The following ANKRD36 variants were observed in gnomAD, a reference collection of about 807,000 sequenced individuals.
ANKRD36 encodes the protein ankyrin repeat domain 36, also known as ankyrin repeat domain-containing protein 36A.
ANKRD36 carries 179 observed loss-of-function variants against 278.1 expected under a neutral mutation model. The ratio of observed to expected loss-of-function variants is 0.64; its 90% confidence interval spans 0.57 to 0.73. The LOEUF is 0.73. Ranked by LOEUF, ANKRD36 falls within the 30% of genes least tolerant of loss-of-function variation. The pLI is 0.00. For missense variants in ANKRD36, 1,159 were observed against 1,956.7 expected (o/e 0.59, Z 7.69); for synonymous variants, 320 against 641.1 (o/e 0.50, Z 7.57).
chr2:97,159,796 T>G (rs1324880720), intron 17 of ANKRD36, among the ~76,000 whole-genome samples: 18 of 151,666 alleles, frequency 1.2e-4, no homozygotes, highest in Non-Finnish European at 2.6e-4. Flanking sequence ...TTAATTTTTT[T>G]TTTTGAGACG....
chr2:97,215,885 A>G, intron 62 of ANKRD36: 1 of 506,858 alleles, frequency 2.0e-6, no homozygotes, highest in Middle Eastern at 5.6e-4. Flanking sequence ...AGTGATCCTA[A>G]TACCTCAAAA....
intron 52 of ANKRD36, among the ~76,000 whole-genome samples, chr2:97,206,602 A>G (rs1052672753): frequency 2.0e-5 from 3 of 151,504 alleles, no homozygotes; most frequent in African/African-American, 7.3e-5. Context: ...ATTGTGAGGC[A>G]GGAAGGTGTG....
At chr2:97,260,113 T>TA (rs1256210522) in intron 75 of ANKRD36, among the ~76,000 whole-genome samples, 6 of 61,042 alleles carry the variant, frequency 9.8e-5, no homozygotes, top group Non-Finnish European at 1.7e-4. Flanking sequence ...GATTGCTTTC[T>TA]AAAAAAATCC....
intron 17 of ANKRD36, 82 bp downstream of exon 17, chr2:97,158,737 A>G: frequency 6.0e-6 from 8 of 1,329,796 alleles, no homozygotes; most frequent in Non-Finnish European, 7.1e-6. Flanking sequence ...TCTGTTAATG[A>G]TCTTTAGTTT....
intron 60 of ANKRD36, among the ~76,000 whole-genome samples, chr2:97,214,382 C>G (rs2065404292): frequency 7.1e-6 from 1 of 141,328 alleles, no homozygotes; most frequent in Non-Finnish European, 1.5e-5. Context: ...GATCAAAGAG[C>G]TGACTCTTGG....
In ANKRD36 at chr2:97,198,524, T is replaced by A. The variant is rs1332202601; in HGVS notation, c.2682+33T>A. 8 of 1,570,062 alleles carry A rather than the reference T, an allele frequency of 5.1e-6. No homozygotes were observed. The Admixed American group carries it at 1.5e-4, about 30-fold the overall frequency. On this transcript the variant is annotated intron_variant, in intron 43 of 75. Coordinates refer to ENST00000420699, the MANE Select transcript of ANKRD36 (RefSeq NM_001354587.1). ...AACTGTCATTTATATTGTGACCTAG[T>A]AAATGCATAGTCTATGAAACATACT... is the stretch of plus-strand genomic sequence containing the variant.
At chr2:97,205,898 A>G (rs984449529) in intron 50 of ANKRD36, 42 bp from the exon 51 acceptor site, 36 of 1,525,680 alleles carry the variant, frequency 2.4e-5, no homozygotes, top group Non-Finnish European at 3.2e-5. Context: ...TATCTTTATC[A>G]TATTTACATA....
rs1242087578 is a variant in ANKRD36 at position 97,155,452 on chromosome 2, A to C, written c.1260+711A>C. On this transcript the variant is annotated intron_variant, in intron 15 of 75. Coordinates refer to ENST00000420699, the MANE Select transcript of ANKRD36 (RefSeq NM_001354587.1). ...GCAAGAGCTTATCTCTAATTTAAAA[A>C]ATTGTGGAATATTAGAAATTTAAAT... Among the ~76,000 whole-genome samples the C allele has an allele frequency of 2.1e-5, 3 of 146,172 alleles. 1 individual carries two copies. Among genetic ancestry groups the C allele is most frequent in the Admixed American group, 2.0e-4 (3 of 14,726 alleles).
intron 6 of ANKRD36, among the ~76,000 whole-genome samples, chr2:97,140,343 A>G (rs1422664870): frequency 2.6e-5 from 4 of 151,880 alleles, no homozygotes; most frequent in African/African-American, 9.7e-5. Flanking sequence ...TTCAGAACCC[A>G]TTTCTCTGGA....
intron 32 of ANKRD36, among the ~76,000 whole-genome samples, chr2:97,188,760 C>G (rs1348410800): frequency 6.2e-5 from 6 of 97,500 alleles, no homozygotes; most frequent in African/African-American, 1.0e-4. Flanking sequence ...TTGATTCTCA[C>G]ATGTATGAGT....
chr2:97,195,176 G>A (rs1165400975), intron 40 of ANKRD36, among the ~76,000 whole-genome samples: 2 of 151,982 alleles, frequency 1.3e-5, no homozygotes, highest in African/African-American at 2.4e-5. Flanking sequence ...GGGCTCTGGG[G>A]CCCAGCATAA....
intron 62 of ANKRD36, chr2:97,215,770 T>G (rs2065767730): frequency 1.3e-6 from 1 of 793,196 alleles, no homozygotes; most frequent in Non-Finnish European, 2.0e-6. Flanking sequence ...GACAGCATCA[T>G]TTTGCTTTAA....
At position 97,113,312 on chromosome 2, in the gene ANKRD36, A is replaced by G. The variant is rs2073328012; in HGVS notation, c.-428A>G. Among the ~76,000 whole-genome samples, 1 of 152,090 alleles carries G rather than the reference A, an allele frequency of 6.6e-6. No homozygotes were observed. The highest frequency in any genetic ancestry group is 2.1e-4 in the South Asian group (1 of 4,798). ...GGCCCAGCGGTGGCACCAGGCGGAGAAGCACCACTCAACCCCATCCCTGGG... is the reference window on the plus strand; with the variant it reads ...GGCCCAGCGGTGGCACCAGGCGGAGGAGCACCACTCAACCCCATCCCTGGG... On this transcript the variant is annotated 5_prime_UTR_variant, in exon 1 of 76. Coordinates refer to ENST00000420699, the MANE Select transcript of ANKRD36 (RefSeq NM_001354587.1).
Position 97,215,463 on chromosome 2 carries a change from C to A in ANKRD36, c.3639C>A (p.Ala1213=), listed in dbSNP as rs1286930447. The A allele has an allele frequency of 6.3e-7, 1 of 1,587,578 alleles. No homozygotes were observed. Among genetic ancestry groups the A allele is most frequent in the South Asian group, 1.2e-5 (1 of 86,634 alleles). The change falls in exon 62 of 76, where the codon GCC becomes GCA. Residue 1213 remains alanine, a synonymous_variant. Coordinates refer to ENST00000420699, the MANE Select transcript of ANKRD36 (RefSeq NM_001354587.1). ...SVKKDSVSNI[A]TEIKDGQIRG... Reference sequence around the variant, plus strand: ...AGAAAGATTCTGTTTCGAATATAGCCACAGAAATAAAGGATGGACAAATAC... The same window carrying A: ...AGAAAGATTCTGTTTCGAATATAGCAACAGAAATAAAGGATGGACAAATAC...
At chr2:97,203,930 C>A in intron 48 of ANKRD36, 138 bp from the exon 49 acceptor site, 1 of 1,384,732 alleles carries the variant, frequency 7.2e-7, no homozygotes, top group Non-Finnish European at 9.8e-7. Context: ...GTTCTAATCC[C>A]CAGACCAAAA....
At chr2:97,182,358 G>T (rs2056448234) in intron 26 of ANKRD36, among the ~76,000 whole-genome samples, 1 of 119,494 alleles carries the variant, frequency 8.4e-6, no homozygotes, top group African/African-American at 2.6e-5. Flanking sequence ...CTTTGATTTT[G>T]GCTGCTTTAG....
At chr2:97,212,112 A>T (rs1296445872) in intron 58 of ANKRD36, among the ~76,000 whole-genome samples, 1 of 151,904 alleles carries the variant, frequency 6.6e-6, no homozygotes, top group African/African-American at 2.4e-5. Context: ...TGATAAACAG[A>T]GGGAAAAGTG....
At chr2:97,124,768 A>T (rs576783151) in intron 5 of ANKRD36, among the ~76,000 whole-genome samples, 171 bp downstream of exon 5, 1 of 152,098 alleles carries the variant, frequency 6.6e-6, no homozygotes, top group South Asian at 2.1e-4. Flanking sequence ...ATCAGCCAGA[A>T]ATCAAGCAAA....
chr2:97,149,595 T>C (rs2045363659), intron 12 of ANKRD36, among the ~76,000 whole-genome samples: 1 of 152,036 alleles, frequency 6.6e-6, no homozygotes, highest in Non-Finnish European at 1.5e-5. Context: ...AAAAAATTGC[T>C]GGAAAATACA....
Sources: allele counts gnomAD v4.1 joint callset (sites outside exome capture counted in the v4.1 genomes callset), GRCh38; gene constraint gnomAD v4.1.1; transcripts MANE v1.5; gene names NCBI Gene and HGNC (gene_info 2026-07-23, HGNC 2026-07-21).